Variants in PIK3C2G observed in about 807,000 individuals in gnomAD.
The protein encoded by PIK3C2G is phosphatidylinositol 3-kinase C2 domain-containing subunit gamma.
A neutral mutation model predicts 181.1 loss-of-function variants in PIK3C2G; 168 were observed. The observed-to-expected ratio is 0.93, with a 90% CI of 0.82 to 1.05. The LOEUF (loss-of-function observed/expected upper bound fraction) is 1.05. Ranked by LOEUF, PIK3C2G falls within the 50% of genes least tolerant of loss-of-function variation. The pLI, the probability that PIK3C2G is intolerant of heterozygous loss-of-function variation, is 0.00. For synonymous variants in PIK3C2G, 573 were observed against 592.2 expected (o/e 0.97, Z 0.47); for missense variants, 1,869 against 1,732.8 (o/e 1.08, Z -1.40).
chr12:18,365,594 G>A (rs1296073447), intron 12 of PIK3C2G, among the ~76,000 whole-genome samples: 1 of 152,008 alleles, frequency 6.6e-6, no homozygotes, highest in East Asian at 1.9e-4. Context: ...TACCTCACTG[G>A]CCATTTGTTC....
chr12:18,393,676 G>A (rs1943683189), intron 15 of PIK3C2G, among the ~76,000 whole-genome samples: 1 of 152,018 alleles, frequency 6.6e-6, no homozygotes. Context: ...TAACCCCCAT[G>A]ACTGACAGAA....
At chr12:18,283,446 T>G (rs1210019727) in intron 2 of PIK3C2G, among the ~76,000 whole-genome samples, 1 of 152,202 alleles carries the variant, frequency 6.6e-6, no homozygotes, top group African/African-American at 2.4e-5. Flanking sequence ...AGAAACATTA[T>G]TGCAGCTGCA....
chr12:18,245,223 CT>C (rs1302547998), upstream of PIK3C2G, among the ~76,000 whole-genome samples: 1 of 152,056 alleles, frequency 6.6e-6, no homozygotes, highest in Non-Finnish European at 1.5e-5. Context: ...GGGAGCATCT[CT>C]TACTCAGAAA....
At chr12:18,386,087 A>C (rs1943149967) in intron 14 of PIK3C2G, among the ~76,000 whole-genome samples, 1 of 150,608 alleles carries the variant, frequency 6.6e-6, no homozygotes, top group Non-Finnish European at 1.5e-5. Context: ...ACAGAACCAA[A>C]CCCCCTCCTC....
chr12:18,389,510 T>TA (rs1943402646), intron 14 of PIK3C2G, among the ~76,000 whole-genome samples: 2 of 152,210 alleles, frequency 1.3e-5, no homozygotes, highest in South Asian at 4.1e-4. Flanking sequence ...TTTTAATTGT[T>TA]AATGTGTGCG....
rs770937895 is a variant in PIK3C2G, at chr12:18,594,574, G to A, written c.4087+5G>A. On this transcript the variant is annotated splice_donor_5th_base_variant and intron_variant, in intron 30 of 32. Coordinates refer to ENST00000538779, the MANE Select transcript of PIK3C2G (RefSeq NM_001288772.2). ...AATCATCACCTGTGTACCTAGGTAA[G>A]TAAATTTGTCATTATATTACGTACA... The A allele has an allele frequency of 1.4e-5, 21 of 1,464,840 alleles. No homozygotes were observed. Among genetic ancestry groups the A allele is most frequent in the Non-Finnish European group, 1.9e-5 (21 of 1,089,814 alleles). 90.7% of individuals were successfully genotyped at this position (1,464,840 alleles called of 1,614,324 possible).
Position 18,441,254 on chromosome 12 carries a change from T to C in PIK3C2G, c.2504+17215T>C, listed in dbSNP as rs12301515. On this transcript the variant is annotated intron_variant, in intron 18 of 32. Transcript: ENST00000538779. The stretch of plus-strand genomic sequence containing the variant: ...CATCAAAAAAGCACTTTCAATCGAG[T>C]AGAGGTAAAACCTGATGGGAATATA... Among the ~76,000 whole-genome samples the C allele has an allele frequency of 3.5e-3, 528 of 152,096 alleles. 2 individuals are homozygous for C. Among genetic ancestry groups the C allele is most frequent in the African/African-American group, 0.012 (490 of 41,504 alleles).
intron 24 of PIK3C2G, among the ~76,000 whole-genome samples, chr12:18,527,731 T>C (rs930345812): frequency 6.6e-6 from 1 of 152,144 alleles, no homozygotes; most frequent in Non-Finnish European, 1.5e-5. Context: ...TTTTGTCTTA[T>C]GAAATTCTGA....
At chr12:18,517,573 C>A (rs1292763687) in intron 24 of PIK3C2G, among the ~76,000 whole-genome samples, 1 of 152,060 alleles carries the variant, frequency 6.6e-6, no homozygotes, top group East Asian at 1.9e-4. Flanking sequence ...GATTTTTGCA[C>A]ATTGATTTTG....
the PIK3C2G span, among the ~76,000 whole-genome samples, chr12:18,685,071 T>C: frequency 6.6e-6 from 1 of 152,122 alleles, no homozygotes; most frequent in Admixed American, 6.6e-5. Flanking sequence ...CAGTCTCAGG[T>C]AGAATCTTTA....
At chr12:18,336,722 G>T (rs1938577958) in intron 8 of PIK3C2G, among the ~76,000 whole-genome samples, 1 of 152,010 alleles carries the variant, frequency 6.6e-6, no homozygotes, top group African/African-American at 2.4e-5. Context: ...AGACAAAATA[G>T]ATCTCAACTA....
intron 8 of PIK3C2G, among the ~76,000 whole-genome samples, chr12:18,327,096 T>C (rs1303689771): frequency 6.6e-6 from 1 of 152,070 alleles, no homozygotes; most frequent in Non-Finnish European, 1.5e-5. Flanking sequence ...AATGCTGTCT[T>C]TCCATTATCA....
chr12:18,470,382 G>A (rs537724408), intron 18 of PIK3C2G, among the ~76,000 whole-genome samples: 7 of 152,202 alleles, frequency 4.6e-5, no homozygotes, highest in African/African-American at 1.4e-4. Flanking sequence ...GAGCTTTCAA[G>A]TAGAGACTTG....
intron 24 of PIK3C2G, among the ~76,000 whole-genome samples, chr12:18,510,021 T>C (rs1942105033): frequency 6.6e-6 from 1 of 152,130 alleles, no homozygotes; most frequent in Non-Finnish European, 1.5e-5. Context: ...AAGGCTGGAG[T>C]GCAGTGGCAC....
Position 18,491,544 on chromosome 12 carries a change from G to A in PIK3C2G, c.2779G>A (p.Gly927Arg), listed in dbSNP as rs749548432. 12 of 1,570,468 alleles carry A rather than the reference G, an allele frequency of 7.6e-6. No homozygotes were observed. The South Asian group carries it at 1.3e-4, about 18-fold the overall frequency. Residue 927 changes from glycine to arginine, a missense_variant, in exon 20 of 33, where the codon GGG becomes AGG. Gly to Arg is a moderately radical substitution (Grantham distance 125). Transcript: ENST00000538779. Reference sequence around the variant, plus strand: ...TCTGAACCCTGCCCTATGTATAAAAGGGATTGATCACGATGTAAGTCAACT... The same window carrying A: ...TCTGAACCCTGCCCTATGTATAAAAAGGATTGATCACGATGTAAGTCAACT... ...LPLNPALCIK[G>R]IDHDACSYFT...
the PIK3C2G span, among the ~76,000 whole-genome samples, chr12:18,716,774 T>C: frequency 6.6e-6 from 1 of 152,244 alleles, no homozygotes; most frequent in African/African-American, 2.4e-5. Context: ...AATACTGTAA[T>C]TTTTGTTGTA....
At chr12:18,417,597 T>C (rs1945253248) in intron 16 of PIK3C2G, among the ~76,000 whole-genome samples, 3 of 152,190 alleles carry the variant, frequency 2.0e-5, no homozygotes. Context: ...GCAAAAAGAT[T>C]AGAACTTGCT....
chr12:18,526,361 G>T (rs1159080301), intron 24 of PIK3C2G, among the ~76,000 whole-genome samples: 3 of 152,184 alleles, frequency 2.0e-5, no homozygotes, highest in Non-Finnish European at 4.4e-5. Context: ...CTCACAGCAG[G>T]CCTTTGTATC....
intron 10 of PIK3C2G, among the ~76,000 whole-genome samples, 165 bp from the exon 11 acceptor site, chr12:18,346,476 A>G (rs148215070): frequency 4.3e-4 from 66 of 152,304 alleles, no homozygotes; most frequent in African/African-American, 1.5e-3. Context: ...CAACTAAACC[A>G]GGTTGCATTC....
Sources: allele counts gnomAD v4.1 joint callset (sites outside exome capture counted in the v4.1 genomes callset), GRCh38; gene constraint gnomAD v4.1.1; transcripts MANE v1.5; gene names NCBI Gene and HGNC (gene_info 2026-07-23, HGNC 2026-07-21).